The following SVEP1 variants were observed in gnomAD, a reference collection of about 807,000 sequenced individuals.
The protein encoded by SVEP1 is sushi, von Willebrand factor type A, EGF and pentraxin domain-containing protein 1.
A neutral mutation model predicts 367.3 loss-of-function variants in SVEP1; 164 were observed. That is an observed-to-expected ratio of 0.45 (90% CI 0.39 to 0.51). The LOEUF (loss-of-function observed/expected upper bound fraction) is 0.51, where lower values mean the gene tolerates loss of function less well. SVEP1 is among the 20% of genes least tolerant of loss of function. The pLI, the probability that SVEP1 is intolerant of heterozygous loss-of-function variation, is 0.00. For synonymous variants in SVEP1, 1,666 were observed against 1,611.6 expected (o/e 1.03, Z -0.81); for missense variants, 4,117 against 4,425.3 (o/e 0.93, Z 1.98).
At chr9:110,551,231 A>C (rs1830282540) in intron 1 of SVEP1, among the ~76,000 whole-genome samples, 1 of 152,216 alleles carries the variant, frequency 6.6e-6, no homozygotes, top group Non-Finnish European at 1.5e-5. Context: ...TTTAGGGTGC[A>C]GACTCACTAT....
chr9:110,449,632 G>A (rs551383796), intron 24 of SVEP1, among the ~76,000 whole-genome samples: 42 of 152,320 alleles, frequency 2.8e-4, no homozygotes, highest in Middle Eastern at 6.8e-3. Flanking sequence ...ACAGTGAGCC[G>A]AGATCGTGCT....
chr9:110,375,464 C>CCAA lies in SVEP1; in HGVS notation c.10505-2_10505-1insTTG. The stretch of plus-strand genomic sequence containing the variant: ...TTCAGACAGGGAAGAATGCAGATTG[C>CCAA]TAAAAAAAAAAAAAAAAAAAAAAAA... On this transcript the variant is annotated splice_acceptor_variant, in intron 45 of 47. Transcript: ENST00000374469. LOFTEE classifies it high-confidence loss of function. 2.5e-6 allele frequency: 1 copy of CCAA among 399,082 alleles called. No homozygotes were observed. The highest frequency in any genetic ancestry group is 3.4e-6 in the Non-Finnish European group (1 of 294,602). 24.7% of individuals were successfully genotyped at this position (399,082 alleles called of 1,614,324 possible). A position where few individuals can be genotyped will look rare whatever the true frequency, so the allele number is the denominator to read the frequency against.
At position 110,407,259 on chromosome 9, in the gene SVEP1, C is replaced by T. The variant is rs2118492439; in HGVS notation, c.8341G>A (p.Val2781Ile). The change falls in exon 38 of 48, where the codon GTC becomes ATC. Residue 2781 changes from valine (V) to isoleucine (I), a missense_variant. By Grantham distance (29) the Val-to-Ile change is conservative. Around this residue, in one of 4 missense-constraint regions of SVEP1, gnomAD observed 1,765 missense variants for 1,781.1 expected, o/e 0.99. Coordinates refer to ENST00000374469, the MANE Select transcript of SVEP1 (RefSeq NM_153366.4). The part of the protein sequence containing the change: ...EAISCKKPNP[V>I]MNGSIKGSNY... ...CTTCCTTTGATGGATCCATTCATGA[C>T]TGGATTTGGCTTTTTGCATGAAATG... is the stretch of plus-strand genomic sequence containing the variant. 6.2e-7 allele frequency: 1 copy of T among 1,613,966 alleles called. No homozygotes were observed. Among genetic ancestry groups the T allele is most frequent in the South Asian group, 1.1e-5 (1 of 91,080 alleles).
chr9:110,371,392 ACTCAGGGCCAC>A (rs1564120982), intron 46 of SVEP1, among the ~76,000 whole-genome samples: 2 of 151,920 alleles, frequency 1.3e-5, no homozygotes, highest in African/African-American at 4.8e-5. Flanking sequence ...CCAGTATTCC[ACTCAGGGCCAC>A]CTTTTCATGT....
intron 1 of SVEP1, among the ~76,000 whole-genome samples, chr9:110,550,800 T>C (rs1830276681): frequency 6.6e-6 from 1 of 152,226 alleles, no homozygotes; most frequent in Non-Finnish European, 1.5e-5. Flanking sequence ...TTAGGACAAG[T>C]GAATTCTGTT....
intron 4 of SVEP1, 41 bp downstream of exon 4, chr9:110,513,907 C>A: frequency 6.3e-7 from 1 of 1,577,680 alleles, no homozygotes; most frequent in Non-Finnish European, 8.6e-7. Flanking sequence ...TCAGAGAAAT[C>A]AGCTTTTATA....
At chr9:110,512,688 C>T (rs1400351451) in intron 5 of SVEP1, 2 of 541,556 alleles carry the variant, frequency 3.7e-6, no homozygotes, top group African/African-American at 1.9e-5. Context: ...CCATTTACTT[C>T]CCAGGCAAAC....
chr9:110,410,080 A>G (rs1276319780), intron 37 of SVEP1, among the ~76,000 whole-genome samples: 1 of 135,734 alleles, frequency 7.4e-6, no homozygotes, highest in Non-Finnish European at 1.5e-5. Context: ...ACACCTCTCT[A>G]CTTATACTCT....
At chr9:110,402,998 T>G (rs1345965970) in intron 39 of SVEP1, among the ~76,000 whole-genome samples, 1 of 152,142 alleles carries the variant, frequency 6.6e-6, no homozygotes, top group Non-Finnish European at 1.5e-5. Flanking sequence ...ATTAGGTAAT[T>G]TAATCCTTTC....
rs1205679241 is a variant in SVEP1, at chr9:110,408,635, T to C, written c.6965A>G (p.Lys2322Arg). The change falls in exon 38 of 48, where the codon AAG becomes AGG. Residue 2322 changes from lysine to arginine, a missense_variant. Physicochemically the swap from Lys to Arg is conservative, Grantham distance 26. Coordinates refer to ENST00000374469, the MANE Select transcript of SVEP1 (RefSeq NM_153366.4). ...TTCCAAGAGGGGCGGCTCTGGGCACTTGGCAGGCATGCACTTTGGATTTGA... is the reference window on the plus strand; with the variant it reads ...TTCCAAGAGGGGCGGCTCTGGGCACCTGGCAGGCATGCACTTTGGATTTGA... ...KKSNPKCMPA[K>R]CPEPPLLENQ... The C allele has an allele frequency of 6.2e-7, 1 of 1,614,012 alleles. No homozygotes were observed. Among genetic ancestry groups the C allele is most frequent in the South Asian group, 1.1e-5 (1 of 91,086 alleles).
Position 110,411,075 on chromosome 9 carries a change from A to T in SVEP1, c.6636T>A (p.Asn2212Lys), listed in dbSNP as rs1469943368. Residue 2212 changes from asparagine to lysine, a missense_variant, in exon 37 of 48, where the codon AAT becomes AAA. By Grantham distance (94) the Asn-to-Lys change is moderately conservative. Coordinates refer to ENST00000374469, the MANE Select transcript of SVEP1 (RefSeq NM_153366.4). ...VSCGEPPKVE[N>K]GFLEHTTGRI... Reference sequence around the variant, plus strand: ...ATTGGTCTCTTACCTCCAGAAAGCCATTCTCAACCTTAGGTGGTTCACCAC... The same window carrying T: ...ATTGGTCTCTTACCTCCAGAAAGCCTTTCTCAACCTTAGGTGGTTCACCAC... 1 of 1,572,476 alleles carries T rather than the reference A, an allele frequency of 6.4e-7. No individual in the cohort carries two copies.
At chr9:110,522,851 T>C (rs1829893907) in intron 3 of SVEP1, among the ~76,000 whole-genome samples, 1 of 152,202 alleles carries the variant, frequency 6.6e-6, no homozygotes, top group Non-Finnish European at 1.5e-5. Context: ...ATTATATCAG[T>C]TGTTATCCAT....
rs1314896076 is a variant in SVEP1, at chr9:110,389,540, C to T, written c.9870G>A (p.Gly3290=). 1.9e-6 allele frequency: 3 copies of T among 1,613,508 alleles called. No homozygotes were observed. Among genetic ancestry groups the T allele is most frequent in the East Asian group, 2.2e-5 (1 of 44,878 alleles). Residue 3290 remains glycine, a synonymous_variant, in exon 41 of 48, where the codon GGG becomes GGA. Coordinates refer to ENST00000374469, the MANE Select transcript of SVEP1 (RefSeq NM_153366.4). ...TCAACTCACCTTTGCATATTGCCAC[C>T]CCTCCACTCCACTGTCTGTTCTCCT... is the stretch of plus-strand genomic sequence containing the variant. ...VCQENRQWSG[G]VAICKETRCE... is the part of the protein sequence containing the mutation.
chr9:110,528,430 A>C (rs1036408876), intron 3 of SVEP1, among the ~76,000 whole-genome samples: 2 of 151,870 alleles, frequency 1.3e-5, no homozygotes, highest in South Asian at 2.1e-4. Flanking sequence ...CAATAGCAGT[A>C]TATAAGTGTT....
At chr9:110,574,966 A>G (rs768563013) in intron 1 of SVEP1, among the ~76,000 whole-genome samples, 3 of 152,004 alleles carry the variant, frequency 2.0e-5, no homozygotes, top group African/African-American at 7.2e-5. Flanking sequence ...AGGACGGTCT[A>G]GATCTCCTGA....
At chr9:110,524,192 T>C (rs1412189679) in intron 3 of SVEP1, among the ~76,000 whole-genome samples, 1 of 152,138 alleles carries the variant, frequency 6.6e-6, no homozygotes, top group East Asian at 1.9e-4. Context: ...TCCAAATGAT[T>C]TCAGTGGAGA....
chr9:110,407,616 C>G lies in SVEP1; in HGVS notation c.7984G>C (p.Glu2662Gln), dbSNP rs182878465. The G allele has an allele frequency of 6.2e-7, 1 of 1,613,922 alleles. No individual in the cohort carries two copies. The highest frequency in any genetic ancestry group is 8.5e-7 in the Non-Finnish European group (1 of 1,179,836). ...YHLGAVAKTW[E>Q]NTKESPATHS... Reference sequence around the variant, plus strand: ...GTAGCAGGAGACTCCTTTGTATTTTCCCAGGTTTTAGCCACTGCTCCCAAA... The same window carrying G: ...GTAGCAGGAGACTCCTTTGTATTTTGCCAGGTTTTAGCCACTGCTCCCAAA... The change falls in exon 38 of 48, where the codon GAA (glutamate) becomes CAA (glutamine). Residue 2662 changes from glutamate (E) to glutamine (Q), a missense_variant. Coordinates refer to ENST00000374469, the MANE Select transcript of SVEP1 (RefSeq NM_153366.4).
chr9:110,398,658 C>T (rs1827807778), intron 40 of SVEP1, among the ~76,000 whole-genome samples: 1 of 152,078 alleles, frequency 6.6e-6, no homozygotes, highest in Admixed American at 6.5e-5. Context: ...AAAAAACAAA[C>T]AACCCCATCA....
intron 24 of SVEP1, among the ~76,000 whole-genome samples, chr9:110,447,986 ATATG>A (rs1410457570): frequency 6.6e-6 from 1 of 152,256 alleles, no homozygotes; most frequent in African/African-American, 2.4e-5. Context: ...TGCAAAAAGA[ATATG>A]TATGTTATGA....
Sources: gnomAD v4.1 joint callset for allele counts (sites outside exome capture counted in the v4.1 genomes callset) on GRCh38, gnomAD v4.1.1 for gene constraint, gnomAD v4.1.1 regional missense constraint, MANE v1.5 for transcripts, NCBI Gene and HGNC (gene_info 2026-07-23, HGNC 2026-07-21) for gene names.